The following SKIC3 variants were observed in gnomAD, a reference collection of about 807,000 sequenced individuals.
The protein encoded by SKIC3 is SKI3 subunit of superkiller complex, also known as superkiller complex protein 3.
At chr5:95,468,501 T>G in the SKIC3 span, among the ~76,000 whole-genome samples, 13 of 152,210 alleles carry the variant, frequency 8.5e-5, no homozygotes. Flanking sequence ...TGTATGATAA[T>G]GTAAACCCAT....
At chr5:95,505,240 T>C in the SKIC3 span, among the ~76,000 whole-genome samples, 1 of 152,170 alleles carries the variant, frequency 6.6e-6, no homozygotes, top group Non-Finnish European at 1.5e-5. Context: ...TATAAAATCT[T>C]TTTAATCTTG....
chr5:95,511,455 A>G, the SKIC3 span, among the ~76,000 whole-genome samples: 3 of 152,134 alleles, frequency 2.0e-5, no homozygotes, highest in African/African-American at 7.2e-5. Flanking sequence ...GAGGAGATCC[A>G]TGCCTTCACA....
At chr5:95,510,901 G>A in the SKIC3 span, among the ~76,000 whole-genome samples, 1 of 152,200 alleles carries the variant, frequency 6.6e-6, no homozygotes, top group African/African-American at 2.4e-5. Context: ...AAGGTAAAAT[G>A]TAGAAAAAGA....
the SKIC3 span, among the ~76,000 whole-genome samples, chr5:95,518,113 T>C: frequency 6.6e-6 from 1 of 152,064 alleles, no homozygotes; most frequent in South Asian, 2.1e-4. Context: ...CAGCAAAAAA[T>C]TGATGAAGAC....
chr5:95,487,477 C>A, the SKIC3 span, among the ~76,000 whole-genome samples: 2 of 152,188 alleles, frequency 1.3e-5, no homozygotes, highest in African/African-American at 4.8e-5. Context: ...CCAACTGCTG[C>A]CACCACTAGG....
chr5:95,479,651 T>C, the SKIC3 span, among the ~76,000 whole-genome samples: 1 of 151,234 alleles, frequency 6.6e-6, no homozygotes, highest in South Asian at 2.1e-4. Context: ...ATCATAGGTA[T>C]GCATGTATGT....
the SKIC3 span, among the ~76,000 whole-genome samples, chr5:95,499,022 T>C: frequency 6.6e-6 from 1 of 152,148 alleles, no homozygotes; most frequent in Non-Finnish European, 1.5e-5. Context: ...AACTTTAAGA[T>C]TAATATAAAA....
the SKIC3 span, among the ~76,000 whole-genome samples, chr5:95,494,480 A>G: frequency 6.6e-6 from 1 of 152,196 alleles, no homozygotes; most frequent in Non-Finnish European, 1.5e-5. Context: ...ATAGCATTAT[A>G]TATTGTATTA....
chr5:95,493,078 C>T, the SKIC3 span, among the ~76,000 whole-genome samples: 1 of 152,102 alleles, frequency 6.6e-6, no homozygotes, highest in African/African-American at 2.4e-5. Context: ...TTTTTCCATT[C>T]AGTTCTAAAT....
At chr5:95,549,033 G>T in the SKIC3 span, among the ~76,000 whole-genome samples, 2 of 151,962 alleles carry the variant, frequency 1.3e-5, no homozygotes, top group East Asian at 1.9e-4. Flanking sequence ...TAAATCAAGA[G>T]AAAGACTTAA....
chr5:95,527,359 G>A, the SKIC3 span, among the ~76,000 whole-genome samples: 2 of 152,138 alleles, frequency 1.3e-5, no homozygotes, highest in African/African-American at 4.8e-5. Flanking sequence ...AATATTAATT[G>A]TTGAAAGATG....
At chr5:95,523,116 C>T in the SKIC3 span, 12 of 1,556,456 alleles carry the variant, frequency 7.7e-6, no homozygotes, top group Non-Finnish European at 1.1e-5. Context: ...TCTCAAAATA[C>T]AACCTGGTAA....
the SKIC3 span, among the ~76,000 whole-genome samples, chr5:95,547,508 T>C: frequency 6.6e-6 from 1 of 152,162 alleles, no homozygotes; most frequent in South Asian, 2.1e-4. Flanking sequence ...GTTTATTTTC[T>C]GGGTCCCAAC....
At chr5:95,506,958 A>T in the SKIC3 span, 325 of 1,613,332 alleles carry the variant, frequency 2.0e-4, no homozygotes, top group Non-Finnish European at 2.5e-4. Flanking sequence ...GTAATTTCTT[A>T]TTGCAACATT....
chr5:95,477,707 T>C, the SKIC3 span, among the ~76,000 whole-genome samples: 2 of 152,186 alleles, frequency 1.3e-5, no homozygotes, highest in Non-Finnish European at 2.9e-5. Flanking sequence ...ACATGGTATA[T>C]TTAGAGATAT....
chr5:95,493,870 C>T, the SKIC3 span, among the ~76,000 whole-genome samples: 9 of 151,612 alleles, frequency 5.9e-5, no homozygotes, highest in Middle Eastern at 3.2e-3. Context: ...CTAGACATTC[C>T]AGTCTTCTAT....
chr5:95,521,705 C>T, the SKIC3 span, among the ~76,000 whole-genome samples: 1 of 151,800 alleles, frequency 6.6e-6, no homozygotes, highest in Admixed American at 6.6e-5. Flanking sequence ...GTATAACTTA[C>T]AAAGTAATTA....
chr5:95,502,753 A>AAAGG, the SKIC3 span: 1 of 1,126,948 alleles, frequency 8.9e-7, no homozygotes, highest in Non-Finnish European at 1.3e-6. Context: ...ATTCAGAACC[A>AAAGG]GGTGGGCCCA....
the SKIC3 span, chr5:95,498,591 G>A: frequency 3.4e-5 from 55 of 1,612,038 alleles, no homozygotes; most frequent in Non-Finnish European, 4.6e-5. Flanking sequence ...TTAAGATAGA[G>A]CTGTAAAGAT....
Sources: allele counts gnomAD v4.1 joint callset (sites outside exome capture counted in the v4.1 genomes callset), GRCh38; gene constraint gnomAD v4.1.1; transcripts MANE v1.5; gene names NCBI Gene and HGNC (gene_info 2026-07-23, HGNC 2026-07-21).